PAPPA2: variants seen among roughly 807,000 people sequenced by gnomAD.
PAPPA2 encodes the protein pappalysin 2.
In PAPPA2, 86 loss-of-function variants were observed where a neutral mutation model predicts 176.4. That is an observed-to-expected ratio of 0.49 (90% CI 0.41 to 0.58). PAPPA2 has a LOEUF of 0.58. Ranked by LOEUF, PAPPA2 falls within the 20% of genes least tolerant of loss-of-function variation. PAPPA2 has a pLI of 0.00. For missense variants in PAPPA2, 2,073 were observed against 2,256.9 expected (o/e 0.92, Z 1.65); for synonymous variants, 809 against 852.2 (o/e 0.95, Z 0.88).
chr1:176,471,215 G>T (rs1651857515), intron 1 of PAPPA2, among the ~76,000 whole-genome samples: 1 of 152,104 alleles, frequency 6.6e-6, no homozygotes, highest in African/African-American at 2.4e-5. Flanking sequence ...GGGCCTGAGG[G>T]ATTTGAGGTG....
At chr1:176,466,133 A>C (rs1651608557) in intron 1 of PAPPA2, among the ~76,000 whole-genome samples, 2 of 152,170 alleles carry the variant, frequency 1.3e-5, no homozygotes, top group Non-Finnish European at 2.9e-5. Context: ...TAATTCTTCA[A>C]ACTTGAAGAA....
chr1:176,504,246 A>G (rs1410193250), intron 1 of PAPPA2, among the ~76,000 whole-genome samples: 3 of 152,134 alleles, frequency 2.0e-5, no homozygotes, highest in African/African-American at 7.2e-5. Flanking sequence ...AGTACAAAAG[A>G]GTGTATAATA....
intron 3 of PAPPA2, among the ~76,000 whole-genome samples, chr1:176,608,315 C>T (rs1032829594): frequency 1.3e-5 from 2 of 152,154 alleles, no homozygotes; most frequent in African/African-American, 4.8e-5. Flanking sequence ...GTCCATGTTC[C>T]TTAAAACTTT....
chr1:176,636,739 T>G (rs6673533), intron 3 of PAPPA2, among the ~76,000 whole-genome samples: 75,176 of 151,886 alleles, frequency 0.49, 20,486 homozygotes, highest in African/African-American at 0.71. Flanking sequence ...AAAAACATTG[T>G]ACATCTCTGG....
rs575550841 is a variant in PAPPA2, at chr1:176,559,898, A to G, written c.919+2657A>G. Among the ~76,000 whole-genome samples the G allele has an allele frequency of 2.0e-3, 302 of 152,170 alleles. 3 individuals are homozygous for G. Among genetic ancestry groups the G allele is most frequent in the Non-Finnish European group, 3.6e-3 (246 of 68,026 alleles). On this transcript the variant is annotated intron_variant, in intron 2 of 22. Transcript: ENST00000367662. ...CCCAATTTAGGGCATTTTTTATTCA[A>G]CAGAGACTTCAAGCAATGCAGCCAT... is the stretch of plus-strand genomic sequence containing the variant.
chr1:176,653,288 C>T (rs1264089283), intron 3 of PAPPA2, among the ~76,000 whole-genome samples: 1 of 151,700 alleles, frequency 6.6e-6, no homozygotes, highest in Non-Finnish European at 1.5e-5. Context: ...CCACTTCATT[C>T]AGAACACAGC....
At chr1:176,551,105 G>T (rs1049364372) in intron 1 of PAPPA2, among the ~76,000 whole-genome samples, 1 of 152,140 alleles carries the variant, frequency 6.6e-6, no homozygotes, top group Admixed American at 6.5e-5. Flanking sequence ...AAAGGGGGCC[G>T]TAGTAGATTA....
intron 17 of PAPPA2, among the ~76,000 whole-genome samples, chr1:176,783,346 T>G: frequency 6.6e-6 from 1 of 152,218 alleles, no homozygotes; most frequent in Admixed American, 6.5e-5. Context: ...AATCATACTT[T>G]TATTTTCACA....
chr1:176,687,185 G>A (rs1182123267), intron 4 of PAPPA2, among the ~76,000 whole-genome samples: 2 of 152,134 alleles, frequency 1.3e-5, no homozygotes, highest in African/African-American at 4.8e-5. Flanking sequence ...CTTCGCAATT[G>A]AAAATATAGC....
chr1:176,787,885 A>G (rs900147079), intron 17 of PAPPA2, among the ~76,000 whole-genome samples: 2 of 151,186 alleles, frequency 1.3e-5, no homozygotes, highest in African/African-American at 4.9e-5. Flanking sequence ...ACATGGAAAA[A>G]CCCCGTCTTT....
intron 3 of PAPPA2, among the ~76,000 whole-genome samples, chr1:176,640,425 G>A (rs952412194): frequency 2.1e-5 from 3 of 144,132 alleles, no homozygotes; most frequent in Non-Finnish European, 3.0e-5. Context: ...TCCCACCTAT[G>A]AGTGAGAATA....
intron 2 of PAPPA2, among the ~76,000 whole-genome samples, chr1:176,560,190 A>G (rs1166372566): frequency 6.6e-6 from 1 of 152,216 alleles, no homozygotes; most frequent in African/African-American, 2.4e-5. Flanking sequence ...CTTATGTGAA[A>G]GGGCAAAAGT....
intron 14 of PAPPA2, among the ~76,000 whole-genome samples, chr1:176,759,690 G>A (rs1408988): frequency 0.22 from 33,714 of 152,038 alleles, 4,380 homozygotes; most frequent in African/African-American, 0.35. Context: ...CTATGCCAAT[G>A]TCCCTGCGAT....
rs1164436946 is a variant in PAPPA2 at position 176,594,698 on chromosome 1, C to A, written c.1094C>A (p.Thr365Asn). The A allele has an allele frequency of 7.4e-6, 12 of 1,614,112 alleles. No homozygotes were observed. The highest frequency in any genetic ancestry group is 1.3e-5 in the African/African-American group (1 of 74,936). The change falls in exon 3 of 23, where the codon ACC becomes AAC. Residue 365 changes from threonine (T) to asparagine (N), a missense_variant. Around this residue, in one of 4 missense-constraint regions of PAPPA2, gnomAD observed 1,196 missense variants for 1,330.4 expected, o/e 0.90. Transcript: ENST00000367662. The stretch of plus-strand genomic sequence containing the variant: ...AGTCGCTACCAACCAGGCACATGGA[C>A]CCATGTGGCAGCCACTTACGATGGA... ...SHSRYQPGTW[T>N]HVAATYDGRH...
At chr1:176,792,730 A>T (rs977695957) in intron 19 of PAPPA2, among the ~76,000 whole-genome samples, 4 of 152,250 alleles carry the variant, frequency 2.6e-5, no homozygotes, top group African/African-American at 9.6e-5. Context: ...AGTTAAAAAT[A>T]AATAAATAAA....
intron 3 of PAPPA2, among the ~76,000 whole-genome samples, chr1:176,634,683 T>C (rs370860675): frequency 8.6e-5 from 13 of 151,800 alleles, no homozygotes; most frequent in African/African-American, 3.1e-4. Context: ...TAAGGCGCTA[T>C]TGAGTACATA....
intron 3 of PAPPA2, among the ~76,000 whole-genome samples, chr1:176,636,588 T>TC (rs1656712568): frequency 6.6e-6 from 1 of 152,134 alleles, no homozygotes; most frequent in Non-Finnish European, 1.5e-5. Context: ...AACTTTTTTT[T>TC]CCCATCACAA....
intron 12 of PAPPA2, among the ~76,000 whole-genome samples, chr1:176,728,178 C>A (rs568990813): frequency 6.6e-6 from 1 of 151,736 alleles, no homozygotes; most frequent in Non-Finnish European, 1.5e-5. Context: ...ACTTCAATAT[C>A]ATTACTATTA....
chr1:176,783,903 G>A (rs568325490), intron 17 of PAPPA2, among the ~76,000 whole-genome samples: 2 of 152,296 alleles, frequency 1.3e-5, no homozygotes, highest in Non-Finnish European at 2.9e-5. Flanking sequence ...CCCCTCTCAG[G>A]AGTTTTAATG....
Sources: gnomAD v4.1 joint callset for allele counts (sites outside exome capture counted in the v4.1 genomes callset) on GRCh38, gnomAD v4.1.1 for gene constraint, gnomAD v4.1.1 regional missense constraint, MANE v1.5 for transcripts, NCBI Gene and HGNC (gene_info 2026-07-23, HGNC 2026-07-21) for gene names.